The following LRMDA variants were observed in gnomAD, a reference collection of about 807,000 sequenced individuals.
LRMDA encodes leucine-rich melanocyte differentiation-associated protein.
In LRMDA, 18 loss-of-function variants were observed where a neutral mutation model predicts 29.8. The observed-to-expected ratio is 0.60, with a 90% CI of 0.42 to 0.90. The LOEUF (loss-of-function observed/expected upper bound fraction) is 0.90, where lower values mean the gene tolerates loss of function less well. Among genes scored for constraint, LRMDA ranks in the 40% least tolerant of loss-of-function variants. The probability of loss-of-function intolerance (pLI) is 0.00; values close to 1 mark genes in which losing one functional copy is unlikely to be tolerated. For missense variants in LRMDA, 273 were observed against 273.9 expected, an observed-to-expected ratio of 1.00 and a Z score of 0.02; for synonymous variants, 125 against 109.4, an observed-to-expected ratio of 1.14 and a Z score of -0.89.
intron 5 of LRMDA, among the ~76,000 whole-genome samples, chr10:76,158,962 T>C (rs770124859): frequency 5.3e-5 from 8 of 152,156 alleles, no homozygotes; most frequent in Non-Finnish European, 1.0e-4. Context: ...ATTCATGAGA[T>C]AGAATTCTAG....
intron 2 of LRMDA, among the ~76,000 whole-genome samples, chr10:75,641,689 C>A (rs1841455739): frequency 6.6e-6 from 1 of 151,868 alleles, no homozygotes; most frequent in South Asian, 2.1e-4. Context: ...GTCTTCCTGC[C>A]CTGGCCTTCC....
chr10:76,014,118 ATATATAATTATATATATATATATATAAT>A (rs1247263238), intron 2 of LRMDA, among the ~76,000 whole-genome samples: 4 of 133,520 alleles, frequency 3.0e-5, no homozygotes, highest in African/African-American at 1.2e-4. Context: ...ATATATATAT[ATATATAATTATATATATATATATATAAT>A]TATATATATA....
intron 2 of LRMDA, among the ~76,000 whole-genome samples, chr10:75,867,150 G>T (rs1313594962): frequency 6.6e-6 from 1 of 152,020 alleles, no homozygotes; most frequent in Non-Finnish European, 1.5e-5. Flanking sequence ...TCTTGTCTGA[G>T]CAAGTGAGAT....
intron 2 of LRMDA, among the ~76,000 whole-genome samples, chr10:75,763,254 T>G (rs868242168): frequency 1.3e-5 from 2 of 152,080 alleles, no homozygotes; most frequent in African/African-American, 2.4e-5. Context: ...CAATGAAAGA[T>G]TTTGGAGTCA....
intron 2 of LRMDA, among the ~76,000 whole-genome samples, chr10:75,622,822 G>A (rs578144358): frequency 6.6e-6 from 1 of 152,282 alleles, no homozygotes; most frequent in South Asian, 2.1e-4. Context: ...AATACCAAGT[G>A]AATAATATTG....
intron 2 of LRMDA, among the ~76,000 whole-genome samples, chr10:75,925,060 C>T (rs1256302550): frequency 1.3e-5 from 2 of 152,164 alleles, no homozygotes; most frequent in Non-Finnish European, 2.9e-5. Context: ...TTCTCCTCAT[C>T]GGAGTATGCA....
chr10:76,415,582 CA>C (rs1842005924), intron 6 of LRMDA, among the ~76,000 whole-genome samples: 1 of 151,428 alleles, frequency 6.6e-6, no homozygotes, highest in African/African-American at 2.4e-5. Context: ...AACATTCTCT[CA>C]TCTTTGGCTG....
intron 2 of LRMDA, among the ~76,000 whole-genome samples, chr10:75,649,408 T>A (rs537563988): frequency 1.9e-4 from 29 of 152,312 alleles, no homozygotes; most frequent in African/African-American, 6.5e-4. Flanking sequence ...TAAACATGAG[T>A]GTACAGATAC....
At chr10:75,771,088 G>A (rs1375186247) in intron 2 of LRMDA, among the ~76,000 whole-genome samples, 1 of 152,156 alleles carries the variant, frequency 6.6e-6, no homozygotes. Context: ...GTCCCTGGGG[G>A]TTGGTGTGGT....
chr10:75,533,683 G>A (rs1845505056), intron 2 of LRMDA, among the ~76,000 whole-genome samples: 1 of 152,182 alleles, frequency 6.6e-6, no homozygotes, highest in African/African-American at 2.4e-5. Context: ...CTGGTGTCTT[G>A]TGTTTGGGAT....
rs755203464 is a variant in LRMDA at position 76,365,720 on chromosome 10, CT to C, written c.601+41239del. 9.8e-5 allele frequency among the ~76,000 whole-genome samples: 15 copies of C among 152,330 alleles called. No homozygotes were observed. The East Asian group carries it at 2.5e-3, about 25-fold the overall frequency. ...TGTCTGTTTACTCTGCTGACTGTTC[CT>C]TTTGCTGTGCAAAAGCTCTTTAGTT... On this transcript the variant is annotated intron_variant, in intron 6 of 6. Coordinates refer to ENST00000611255, the MANE Select transcript of LRMDA (RefSeq NM_001305581.2).
chr10:75,782,578 G>A (rs1286898670), intron 2 of LRMDA, among the ~76,000 whole-genome samples: 1 of 152,114 alleles, frequency 6.6e-6, no homozygotes. Flanking sequence ...CCTGAGGTCG[G>A]CCAGGGTGCT....
At chr10:75,432,121 A>G (rs913257662) in intron 1 of LRMDA, among the ~76,000 whole-genome samples, 3 of 152,268 alleles carry the variant, frequency 2.0e-5, no homozygotes, top group African/African-American at 7.2e-5. Context: ...ACTTTTGGTC[A>G]AAGAATCCAT....
intron 6 of LRMDA, among the ~76,000 whole-genome samples, chr10:76,473,269 C>T (rs1433506981): frequency 6.6e-6 from 1 of 151,372 alleles, no homozygotes; most frequent in African/African-American, 2.4e-5. Context: ...ACATGACTAT[C>T]TCCACACCAT....
rs997925001 is a variant in LRMDA at position 75,561,003 on chromosome 10, G to A, written c.131+122509G>A. 4.7e-5 allele frequency among the ~76,000 whole-genome samples: 7 copies of A among 149,910 alleles called. No individual in the cohort carries two copies. In the South Asian group the frequency reaches 8.6e-4, roughly 18 times the overall value. On this transcript the variant is annotated intron_variant, in intron 2 of 6. Coordinates refer to ENST00000611255, the MANE Select transcript of LRMDA (RefSeq NM_001305581.2). ...TATTGGTCTAAAATTCTCTTTTTTG[G>A]TTGTGTCTCTGCCCGGCTTTGGTAT...
chr10:76,307,514 A>C (rs1483456111), intron 5 of LRMDA, among the ~76,000 whole-genome samples: 1 of 152,122 alleles, frequency 6.6e-6, no homozygotes, highest in African/African-American at 2.4e-5. Flanking sequence ...AACTCTGTGG[A>C]ACCACCATGT....
At chr10:75,658,705 T>C (rs1181165725) in intron 2 of LRMDA, among the ~76,000 whole-genome samples, 1 of 152,196 alleles carries the variant, frequency 6.6e-6, no homozygotes, top group African/African-American at 2.4e-5. Flanking sequence ...TGAGTCAGAA[T>C]CACTAAGATG....
chr10:76,281,453 A>G (rs558293985), intron 5 of LRMDA, among the ~76,000 whole-genome samples: 2 of 152,274 alleles, frequency 1.3e-5, no homozygotes, highest in African/African-American at 4.8e-5. Context: ...GCCCTATTGA[A>G]AACCCTAATT....
chr10:76,282,810 G>A (rs1228034854), intron 5 of LRMDA, among the ~76,000 whole-genome samples: 3 of 152,078 alleles, frequency 2.0e-5, no homozygotes, highest in South Asian at 2.1e-4. Context: ...GATGTTCTTC[G>A]TGTCTTTGTG....
Sources: allele counts gnomAD v4.1 joint callset (sites outside exome capture counted in the v4.1 genomes callset), GRCh38; gene constraint gnomAD v4.1.1; transcripts MANE v1.5; gene names NCBI Gene and HGNC (gene_info 2026-07-23, HGNC 2026-07-21).